PLCB4: variants seen among roughly 807,000 people sequenced by gnomAD.
PLCB4 encodes the protein phospholipase C beta 4.
In PLCB4, 77 loss-of-function variants were observed where a neutral mutation model predicts 178.8. That is an observed-to-expected ratio of 0.43 (90% CI 0.36 to 0.52). The LOEUF (loss-of-function observed/expected upper bound fraction) is 0.52. Among genes scored for constraint, PLCB4 ranks in the 20% least tolerant of loss-of-function variants. The pLI is 0.00. For missense variants in PLCB4, 1,024 were observed against 1,453.4 expected (o/e 0.70, Z 4.80); for synonymous variants, 496 against 490.8 (o/e 1.01, Z -0.14).
chr20:9,410,986 T>C, intron 24 of PLCB4, 51 bp from the exon 25 acceptor site: 1 of 1,337,234 alleles, frequency 7.5e-7, no homozygotes, highest in Non-Finnish European at 1.1e-6. Context: ...CCCGTCAGGG[T>C]CTTTTTTGTC....
chr20:9,430,721 A>G (rs6056614), intron 28 of PLCB4, among the ~76,000 whole-genome samples: 36,736 of 152,160 alleles, frequency 0.24, 5,423 homozygotes, highest in African/African-American at 0.4. Flanking sequence ...CTTGCCTGTG[A>G]CAAACAAGAC....
intron 3 of PLCB4, among the ~76,000 whole-genome samples, chr20:9,307,494 T>TATATACACACACACACACACAC (rs1396442853): frequency 1.4e-5 from 2 of 138,096 alleles, no homozygotes; most frequent in African/African-American, 5.5e-5. Context: ...AAAAAAAGAA[T>TATATACACACACACACACACAC]ACACACACAC....
intron 28 of PLCB4, among the ~76,000 whole-genome samples, chr20:9,428,490 C>A (rs917945081): frequency 4.6e-5 from 7 of 152,194 alleles, no homozygotes; most frequent in African/African-American, 1.4e-4. Flanking sequence ...AGAACATGAG[C>A]ATTTCCCAAT....
chr20:9,115,545 A>T (rs2091749529), intron 2 of PLCB4, among the ~76,000 whole-genome samples: 1 of 150,034 alleles, frequency 6.7e-6, no homozygotes, highest in African/African-American at 2.4e-5. Context: ...GTCATTTAAC[A>T]TTAGGTATAT....
chr20:9,433,383 A>G (rs1355506480), intron 28 of PLCB4, among the ~76,000 whole-genome samples: 9 of 152,244 alleles, frequency 5.9e-5, no homozygotes, highest in Non-Finnish European at 4.4e-5. Flanking sequence ...CAAGCAATGT[A>G]ACTATAAATA....
chr20:9,106,321 A>G (rs887291730), intron 2 of PLCB4, among the ~76,000 whole-genome samples: 1 of 151,860 alleles, frequency 6.6e-6, no homozygotes, highest in African/African-American at 2.4e-5. Flanking sequence ...GCACCAACCT[A>G]TATTTCTCGG....
intron 4 of PLCB4, among the ~76,000 whole-genome samples, chr20:9,324,442 A>G (rs1013088322): frequency 6.6e-6 from 1 of 152,124 alleles, no homozygotes; most frequent in Non-Finnish European, 1.5e-5. Context: ...AACAACAACA[A>G]CAACAACAAC....
At chr20:9,185,556 C>G (rs1394033087) in intron 2 of PLCB4, among the ~76,000 whole-genome samples, 1 of 152,154 alleles carries the variant, frequency 6.6e-6, no homozygotes, top group Non-Finnish European at 1.5e-5. Context: ...TGACCCCTCT[C>G]CGTAGCCTGT....
chr20:9,088,424 T>C (rs1295449272), intron 1 of PLCB4, among the ~76,000 whole-genome samples: 3 of 152,174 alleles, frequency 2.0e-5, no homozygotes, highest in Admixed American at 2.0e-4. Context: ...TTCTCATCAT[T>C]AGAAGAATTT....
At chr20:9,442,449 A>G (rs2042166423) in intron 30 of PLCB4, among the ~76,000 whole-genome samples, 1 of 152,088 alleles carries the variant, frequency 6.6e-6, no homozygotes, top group South Asian at 2.1e-4. Context: ...CCCCCAAAAC[A>G]CAAAACCAGG....
chr20:9,194,471 G>A (rs1267220025), intron 2 of PLCB4, among the ~76,000 whole-genome samples: 1 of 151,964 alleles, frequency 6.6e-6, no homozygotes, highest in East Asian at 1.9e-4. Context: ...TGGATCACAA[G>A]GTCAGGAGAT....
intron 2 of PLCB4, among the ~76,000 whole-genome samples, chr20:9,172,615 C>T (rs1207607543): frequency 7.0e-6 from 1 of 142,354 alleles, no homozygotes; most frequent in Non-Finnish European, 1.6e-5. Flanking sequence ...TTTGCATTTC[C>T]ATTCGCATTT....
chr20:9,295,980 T>C (rs1023198432), intron 3 of PLCB4, among the ~76,000 whole-genome samples: 2 of 152,070 alleles, frequency 1.3e-5, no homozygotes, highest in Non-Finnish European at 2.9e-5. Flanking sequence ...CCAAAAGCAA[T>C]GGCAACAAAA....
At chr20:9,097,852 G>A (rs2090978051) in intron 2 of PLCB4, among the ~76,000 whole-genome samples, 1 of 152,154 alleles carries the variant, frequency 6.6e-6, no homozygotes, top group African/African-American at 2.4e-5. Context: ...GAAATCTAGT[G>A]TGGAGAACGA....
At chr20:9,161,385 G>A (rs1337019944) in intron 2 of PLCB4, among the ~76,000 whole-genome samples, 2 of 152,210 alleles carry the variant, frequency 1.3e-5, no homozygotes, top group African/African-American at 4.8e-5. Flanking sequence ...ACGTTGGCTT[G>A]TGAACTCAGT....
intron 32 of PLCB4, among the ~76,000 whole-genome samples, chr20:9,444,609 A>C (rs1424933235): frequency 6.6e-6 from 1 of 152,116 alleles, no homozygotes; most frequent in Non-Finnish European, 1.5e-5. Flanking sequence ...TAAAAATACA[A>C]AAATTAGCTG....
At chr20:9,384,697 C>T (rs769152912) in intron 14 of PLCB4, among the ~76,000 whole-genome samples, 27 of 151,110 alleles carry the variant, frequency 1.8e-4, no homozygotes, top group Non-Finnish European at 2.7e-4. Context: ...TGTAAGAAGG[C>T]GTGTTGAGTT....
chr20:9,439,545 T>C (rs926004386), intron 30 of PLCB4, among the ~76,000 whole-genome samples: 1 of 152,182 alleles, frequency 6.6e-6, no homozygotes, highest in Non-Finnish European at 1.5e-5. Flanking sequence ...TGCTCTCTGC[T>C]GAGAAACGTA....
intron 25 of PLCB4, among the ~76,000 whole-genome samples, chr20:9,419,270 G>A (rs552817691): frequency 6.6e-6 from 1 of 152,208 alleles, no homozygotes; most frequent in East Asian, 1.9e-4. Context: ...ACAATCCACA[G>A]TCACATTAGT....
Sources: gnomAD v4.1 joint callset for allele counts (sites outside exome capture counted in the v4.1 genomes callset) on GRCh38, gnomAD v4.1.1 for gene constraint, MANE v1.5 for transcripts, NCBI Gene and HGNC (gene_info 2026-07-23, HGNC 2026-07-21) for gene names.